PLCL1: variants seen among roughly 807,000 people sequenced by gnomAD.
PLCL1 encodes inactive phospholipase C-like protein 1.
In PLCL1, 41 loss-of-function variants were observed where a neutral mutation model predicts 84.4. The ratio of observed to expected loss-of-function variants is 0.49; its 90% CI spans 0.38 to 0.63. The LOEUF is 0.63. PLCL1 is among the 30% of genes least tolerant of loss of function. The pLI, the probability that PLCL1 is intolerant of heterozygous loss-of-function variation, is 0.00. For missense variants in PLCL1, 1,206 were observed against 1,367.8 expected (o/e 0.88, Z 1.87); for synonymous variants, 490 against 488.3 (o/e 1.00, Z -0.05).
intron 1 of PLCL1, among the ~76,000 whole-genome samples, chr2:197,878,622 T>A (rs1419682603): frequency 1.3e-5 from 2 of 152,138 alleles, no homozygotes; most frequent in African/African-American, 4.8e-5. Context: ...CCTGGATCTG[T>A]GGAAAACTGT....
chr2:198,124,963 C>G (rs1379664489), intron 5 of PLCL1, among the ~76,000 whole-genome samples: 1 of 152,112 alleles, frequency 6.6e-6, no homozygotes, highest in Non-Finnish European at 1.5e-5. Context: ...TTCCATTCCT[C>G]AGGGGCATTC....
chr2:197,880,761 A>G (rs1003273301), intron 1 of PLCL1, among the ~76,000 whole-genome samples: 1 of 152,218 alleles, frequency 6.6e-6, no homozygotes, highest in African/African-American at 2.4e-5. Flanking sequence ...CATTATGGGA[A>G]GAATCACCTG....
At chr2:197,899,698 C>G (rs1022619109) in intron 1 of PLCL1, among the ~76,000 whole-genome samples, 1 of 146,160 alleles carries the variant, frequency 6.8e-6, no homozygotes, top group South Asian at 2.2e-4. Flanking sequence ...TGCAGTGGCG[C>G]GATCTCGGCT....
At chr2:197,867,875 T>C (rs1217954983) in intron 1 of PLCL1, among the ~76,000 whole-genome samples, 1 of 152,148 alleles carries the variant, frequency 6.6e-6, no homozygotes, top group African/African-American at 2.4e-5. Context: ...ATAAAAAAAA[T>C]TGAGTATGCT....
At chr2:198,099,180 C>A (rs552218639) in intron 3 of PLCL1, among the ~76,000 whole-genome samples, 1 of 152,112 alleles carries the variant, frequency 6.6e-6, no homozygotes, top group African/African-American at 2.4e-5. Context: ...ATGGCTGAGT[C>A]GTGCTGACTT....
intron 1 of PLCL1, among the ~76,000 whole-genome samples, chr2:198,068,100 A>AT (rs897647758): frequency 6.6e-6 from 1 of 152,034 alleles, no homozygotes; most frequent in Non-Finnish European, 1.5e-5. Context: ...GGTGTCAAGT[A>AT]TTTTTTTTAA....
chr2:197,906,565 T>G (rs1413085685), intron 1 of PLCL1, among the ~76,000 whole-genome samples: 1 of 152,080 alleles, frequency 6.6e-6, no homozygotes, highest in African/African-American at 2.4e-5. Context: ...GGTTCCATGT[T>G]AAGTTTAAAC....
intron 1 of PLCL1, among the ~76,000 whole-genome samples, chr2:197,928,170 A>G (rs1431072283): frequency 6.6e-6 from 1 of 152,168 alleles, no homozygotes; most frequent in Non-Finnish European, 1.5e-5. Context: ...TGCTCAATAC[A>G]TGATTAGTCA....
intron 1 of PLCL1, among the ~76,000 whole-genome samples, chr2:197,975,597 A>C (rs1689964208): frequency 6.6e-6 from 1 of 152,134 alleles, no homozygotes; most frequent in African/African-American, 2.4e-5. Flanking sequence ...TGAGGCCAGG[A>C]GTTCGAGACC....
intron 1 of PLCL1, among the ~76,000 whole-genome samples, chr2:197,952,620 A>C (rs1224660768): frequency 6.6e-6 from 1 of 152,110 alleles, no homozygotes; most frequent in Non-Finnish European, 1.5e-5. Context: ...ACATCATTGC[A>C]CTTGTGTGGA....
intron 1 of PLCL1, among the ~76,000 whole-genome samples, chr2:197,965,469 A>T (rs1251024061): frequency 2.0e-5 from 3 of 151,808 alleles, no homozygotes; most frequent in African/African-American, 7.3e-5. Context: ...TAATCTGGCT[A>T]AAGTTTTGTT....
chr2:197,851,742 A>C (rs1687243324), intron 1 of PLCL1, among the ~76,000 whole-genome samples: 1 of 152,210 alleles, frequency 6.6e-6, no homozygotes, highest in South Asian at 2.1e-4. Flanking sequence ...GGCATGTTAG[A>C]GGAGACCAGG....
At chr2:198,035,515 AAAGT>A (rs1691535466) in intron 1 of PLCL1, among the ~76,000 whole-genome samples, 1 of 152,080 alleles carries the variant, frequency 6.6e-6, no homozygotes, top group African/African-American at 2.4e-5. Context: ...TTTCCATTTG[AAAGT>A]AAGAGAGTGA....
intron 1 of PLCL1, among the ~76,000 whole-genome samples, chr2:197,950,204 G>A (rs757836448): frequency 6.6e-6 from 1 of 152,150 alleles, no homozygotes; most frequent in Non-Finnish European, 1.5e-5. Context: ...TGACTCAGGG[G>A]CCTCTCCACT....
At chr2:197,947,236 A>AT (rs1276903009) in intron 1 of PLCL1, among the ~76,000 whole-genome samples, 61 of 85,518 alleles carry the variant, frequency 7.1e-4, no homozygotes, top group African/African-American at 3.3e-3. Context: ...GTGCTTAGAT[A>AT]AATATATATA....
chr2:197,826,503 T>G (rs7583457), intron 1 of PLCL1, among the ~76,000 whole-genome samples: 2,729 of 152,258 alleles, frequency 0.018, 76 homozygotes, highest in African/African-American at 0.06. Flanking sequence ...ATGCTTAATA[T>G]CTCTGTTGTG....
intron 1 of PLCL1, among the ~76,000 whole-genome samples, chr2:197,855,880 C>G (rs893031066): frequency 1.3e-5 from 2 of 152,104 alleles, no homozygotes; most frequent in Non-Finnish European, 2.9e-5. Context: ...CCTGGTTAAC[C>G]TCTGCTTCTC....
intron 1 of PLCL1, among the ~76,000 whole-genome samples, chr2:198,055,026 A>G (rs960297743): frequency 6.6e-6 from 1 of 152,160 alleles, no homozygotes; most frequent in African/African-American, 2.4e-5. Context: ...ATGATGTTTT[A>G]TATAGTATAT....
intron 5 of PLCL1, among the ~76,000 whole-genome samples, chr2:198,138,346 C>A (rs2105943080): frequency 6.6e-6 from 1 of 152,130 alleles, no homozygotes; most frequent in African/African-American, 2.4e-5. Flanking sequence ...TTTCAAACAA[C>A]CAGATCTCCT....
Sources: allele counts gnomAD v4.1 joint callset (sites outside exome capture counted in the v4.1 genomes callset), GRCh38; gene constraint gnomAD v4.1.1; transcripts MANE v1.5; gene names NCBI Gene and HGNC (gene_info 2026-07-23, HGNC 2026-07-21).